The following ASMTL variants were observed in gnomAD, a reference collection of about 807,000 sequenced individuals.
ASMTL encodes probable bifunctional dTTP/UTP pyrophosphatase/methyltransferase protein.
A neutral mutation model predicts 60.3 loss-of-function variants in ASMTL; 57 were observed. The observed-to-expected ratio is 0.95, with a 90% CI of 0.76 to 1.18. The LOEUF is 1.18. Among genes scored for constraint, ASMTL ranks in the 50% most tolerant of loss-of-function variants. The pLI is 0.00. For synonymous variants in ASMTL, 419 were observed against 373.0 expected, an observed-to-expected ratio of 1.12 and a Z score of -1.42; for missense variants, 981 against 852.6, an observed-to-expected ratio of 1.15 and a Z score of -1.88.
At chrX:1,438,545 C>G (rs1421263561) in intron 3 of ASMTL, among the ~76,000 whole-genome samples, 1 of 152,170 alleles carries the variant, frequency 6.6e-6, no homozygotes, top group African/African-American at 2.4e-5. Flanking sequence ...CGGAGTCTCG[C>G]TCTTGTCACC....
chrX:1,453,186 C>G (rs1286030716), upstream of ASMTL, among the ~76,000 whole-genome samples: 3 of 151,290 alleles, frequency 2.0e-5, no homozygotes, highest in Non-Finnish European at 3.0e-5. Flanking sequence ...GGCCACACCT[C>G]CATTGCCCTC....
At chrX:1,428,697 A>G (rs1430977155) in intron 6 of ASMTL, among the ~76,000 whole-genome samples, 3 of 92,696 alleles carry the variant, frequency 3.2e-5, no homozygotes, top group African/African-American at 1.1e-4. Context: ...GGATGTTTTG[A>G]CATATGTATA....
At chrX:1,414,608 T>G (rs1299796893) in intron 11 of ASMTL, among the ~76,000 whole-genome samples, 5 of 152,074 alleles carry the variant, frequency 3.3e-5, no homozygotes, top group African/African-American at 1.2e-4. Flanking sequence ...CTCGGGAGGC[T>G]GAGGTGGGAG....
Position 1,419,069 on chromosome X carries a change from C to A in ASMTL, c.1291G>T (p.Ala431Ser). 6.2e-7 allele frequency: 1 copy of A among 1,611,232 alleles called. No individual in the cohort carries two copies. Among genetic ancestry groups the A allele is most frequent in the Non-Finnish European group, 8.5e-7 (1 of 1,179,520 alleles). Residue 431 changes from alanine (A) to serine (S), a missense_variant, in exon 10 of 13, where the codon GCC becomes TCC. Coordinates refer to ENST00000381317, the MANE Select transcript of ASMTL (RefSeq NM_004192.4). ...SPETRLRFMR[A>S]MHGMTKLTAC... ...GTCAGCTTCGTCATGCCGTGCATGG[C>A]CCGCATGAACCTCAGCCGCGTCTCC...
Position 1,428,090 on chromosome X carries a change from G to C in ASMTL, c.541C>G (p.Leu181Val). 1 of 1,609,336 alleles carries C rather than the reference G, an allele frequency of 6.2e-7. No homozygotes were observed. Among genetic ancestry groups the C allele is most frequent in the South Asian group, 1.1e-5 (1 of 90,986 alleles). The change falls in exon 7 of 13, where the codon CTG becomes GTG. Residue 181 changes from leucine (L) to valine (V), a missense_variant. Physicochemically the swap from Leu to Val is conservative, Grantham distance 32. Coordinates refer to ENST00000381317, the MANE Select transcript of ASMTL (RefSeq NM_004192.4). ...DKAGGYGIQA[L>V]GGMLVESVHG... ...ACGGACTCCACCAGCATGCCGCCCA[G>C]GGCCTGGATCCCGTAGCCGCCAGCT...
At chrX:1,411,069 A>G (rs1430140378) in intron 12 of ASMTL, among the ~76,000 whole-genome samples, 1 of 152,070 alleles carries the variant, frequency 6.6e-6, no homozygotes, top group Admixed American at 6.6e-5. Flanking sequence ...CCAGTAATCC[A>G]GCTACTCGGG....
chrX:1,416,332 C>CAT (rs1197787417), intron 11 of ASMTL, among the ~76,000 whole-genome samples: 7 of 130,438 alleles, frequency 5.4e-5, no homozygotes, highest in South Asian at 2.3e-4. Context: ...CACACACACA[C>CAT]GGACATACAG....
At chrX:1,423,314 C>T (rs1450076230) in intron 8 of ASMTL, among the ~76,000 whole-genome samples, 1 of 152,032 alleles carries the variant, frequency 6.6e-6, no homozygotes, top group East Asian at 1.9e-4. Context: ...CTTCTATGTT[C>T]CAGCCTCTAA....
At chrX:1,410,940 C>G (rs1336128675) in intron 12 of ASMTL, among the ~76,000 whole-genome samples, 2 of 151,838 alleles carry the variant, frequency 1.3e-5, no homozygotes, top group African/African-American at 2.4e-5. Flanking sequence ...AATCCCAACA[C>G]TTTGGGAGTC....
At chrX:1,416,568 C>T (rs184119030) in intron 11 of ASMTL, among the ~76,000 whole-genome samples, 6,774 of 99,614 alleles carry the variant, frequency 0.068, 540 homozygotes, top group African/African-American at 0.2. Flanking sequence ...CCAACAGGCA[C>T]ACAGACGCAG....
chrX:1,435,688 G>A lies in ASMTL; in HGVS notation c.338+6C>T, dbSNP rs755993436. The A allele has an allele frequency of 1.2e-6, 2 of 1,613,548 alleles. No individual in the cohort carries two copies. The highest frequency in any genetic ancestry group is 1.7e-5 in the Admixed American group (1 of 59,990). ...GAGAGGGCTCAGAGGCCAACATGGT[G>A]CTTACCGGGACAGCATCCTGTAGGC... On this transcript the variant is annotated splice_donor_region_variant and intron_variant, in intron 4 of 12. Transcript: ENST00000381317.
intron 12 of ASMTL, among the ~76,000 whole-genome samples, chrX:1,404,347 T>A (rs2089717729): frequency 1.3e-5 from 2 of 150,678 alleles, no homozygotes; most frequent in African/African-American, 4.9e-5. Flanking sequence ...GATAGATGAA[T>A]GCATGGATGA....
At chrX:1,453,390 C>T (rs775869137), upstream of ASMTL, among the ~76,000 whole-genome samples, 38 of 151,804 alleles carry the variant, frequency 2.5e-4, no homozygotes, top group Middle Eastern at 0.014. Context: ...TGAAGCACCG[C>T]CCCCAGCTCC....
chrX:1,444,410 T>C (rs746962257), intron 1 of ASMTL, among the ~76,000 whole-genome samples: 4 of 152,232 alleles, frequency 2.6e-5, no homozygotes, highest in Admixed American at 2.0e-4. Context: ...GGTTTCACCA[T>C]GTTGGTCAGG....
chrX:1,438,168 G>A (rs1403298207), intron 3 of ASMTL, among the ~76,000 whole-genome samples: 282 of 150,708 alleles, frequency 1.9e-3, no homozygotes, highest in African/African-American at 6.5e-3. Context: ...GGGTGCCTGT[G>A]ATCCCAGCTA....
Position 1,427,862 on chromosome X carries a change from C to A in ASMTL, c.769G>T (p.Asp257Tyr). 6.2e-7 allele frequency: 1 copy of A among 1,613,264 alleles called. No homozygotes were observed. Among genetic ancestry groups the A allele is most frequent in the Non-Finnish European group, 8.5e-7 (1 of 1,179,844 alleles). Residue 257 changes from aspartate to tyrosine, a missense_variant, in exon 7 of 13, where the codon GAT becomes TAT. By Grantham distance (160) the Asp-to-Tyr change is radical. Coordinates refer to ENST00000381317, the MANE Select transcript of ASMTL (RefSeq NM_004192.4). ...EPTQRDAGSR[D>Y]EKAEAGEAGQ... ...GCCTCTCCCGCCTCGGCCTTCTCAT[C>A]GCGGCTGCCCGCGTCCCTCTGAGTG...
Position 1,452,850 on chromosome X carries a change from G to A in ASMTL, c.-10C>T. ...CCGGGCACAGCACCATGGCGTCCAC[G>A]CCGGGAGCCGGGCGTCCGCACTTCT... On this transcript the variant is annotated 5_prime_UTR_variant, in exon 1 of 13. Coordinates refer to ENST00000381317, the MANE Select transcript of ASMTL (RefSeq NM_004192.4). 1.3e-6 allele frequency: 2 copies of A among 1,554,548 alleles called. No homozygotes were observed. Among genetic ancestry groups the A allele is most frequent in the South Asian group, 1.2e-5 (1 of 84,988 alleles).
chrX:1,436,859 T>C (rs1253280112), intron 3 of ASMTL, among the ~76,000 whole-genome samples: 2 of 152,252 alleles, frequency 1.3e-5, no homozygotes, highest in African/African-American at 2.4e-5. Flanking sequence ...GATGTATTAG[T>C]CTGACTGGGC....
At chrX:1,420,787 C>G (rs1456585948) in intron 9 of ASMTL, among the ~76,000 whole-genome samples, 1 of 152,154 alleles carries the variant, frequency 6.6e-6, no homozygotes, top group Non-Finnish European at 1.5e-5. Context: ...GGCAGCCTGT[C>G]CAACTCCTTC....
Sources: gnomAD v4.1 joint callset for allele counts (sites outside exome capture counted in the v4.1 genomes callset) on GRCh38, gnomAD v4.1.1 for gene constraint, MANE v1.5 for transcripts, NCBI Gene and HGNC (gene_info 2026-07-23, HGNC 2026-07-21) for gene names.